Variants in DPP6 observed in about 807,000 individuals in gnomAD.
DPP6 encodes A-type potassium channel modulatory protein DPP6.
A neutral mutation model predicts 122.6 loss-of-function variants in DPP6; 69 were observed. The ratio of observed to expected loss-of-function variants is 0.56; its 90% CI spans 0.46 to 0.69. DPP6 has a LOEUF of 0.69. Ranked by LOEUF, DPP6 falls within the 30% of genes least tolerant of loss-of-function variation. The pLI, the probability that DPP6 is intolerant of heterozygous loss-of-function variation, is 0.00. For missense variants in DPP6, 928 were observed against 1,116.9 expected (o/e 0.83, Z 2.41); for synonymous variants, 418 against 433.1 (o/e 0.97, Z 0.43).
chr7:154,840,910 A>C (rs1375452309), intron 16 of DPP6, among the ~76,000 whole-genome samples: 1 of 152,128 alleles, frequency 6.6e-6, no homozygotes, highest in Non-Finnish European at 1.5e-5. Context: ...CCACCCATTC[A>C]TCCTATCGGC....
chr7:154,677,263 G>A (rs905714542), intron 7 of DPP6, among the ~76,000 whole-genome samples: 17 of 152,122 alleles, frequency 1.1e-4, no homozygotes, highest in African/African-American at 3.6e-4. Flanking sequence ...GCGAGAGAGC[G>A]TGAGCCTTCC....
intron 1 of DPP6, among the ~76,000 whole-genome samples, chr7:153,984,264 A>G (rs1002138765): frequency 1.3e-5 from 2 of 152,186 alleles, no homozygotes; most frequent in African/African-American, 4.8e-5. Flanking sequence ...GTATATTAAT[A>G]TAAGAATTTC....
chr7:154,565,152 G>C (rs977302918), intron 4 of DPP6, among the ~76,000 whole-genome samples: 12 of 152,218 alleles, frequency 7.9e-5, no homozygotes, highest in African/African-American at 2.6e-4. Context: ...TCAATAAGGT[G>C]TCCTTAAAAA....
chr7:154,566,972 A>C, intron 5 of DPP6, 56 bp downstream of exon 5: 82 of 1,226,396 alleles, frequency 6.7e-5, no homozygotes, highest in Middle Eastern at 1.9e-4. Context: ...CTAATATCTC[A>C]TTAAGTATAT....
At chr7:154,656,078 G>A (rs1167359918) in intron 6 of DPP6, among the ~76,000 whole-genome samples, 27 of 151,590 alleles carry the variant, frequency 1.8e-4, no homozygotes, top group Admixed American at 1.8e-3. Context: ...GAAGGGTGTG[G>A]AGGAGAGGAG....
At chr7:154,736,334 T>TTGCCAC (rs1366569549) in intron 8 of DPP6, among the ~76,000 whole-genome samples, 12 of 152,346 alleles carry the variant, frequency 7.9e-5, no homozygotes, top group Middle Eastern at 3.4e-3. Context: ...ATGGTCTTCA[T>TTGCCAC]TGCCACTGCT....
chr7:154,538,824 G>A (rs1350369839), intron 3 of DPP6, among the ~76,000 whole-genome samples: 3 of 152,154 alleles, frequency 2.0e-5, no homozygotes, highest in African/African-American at 7.2e-5. Context: ...ACCTTGGTGT[G>A]TTTGCTTAAG....
intron 1 of DPP6, among the ~76,000 whole-genome samples, chr7:154,236,512 C>T (rs568224466): frequency 9.2e-5 from 14 of 152,072 alleles, no homozygotes; most frequent in Admixed American, 2.6e-4. Context: ...AATTTCTTAG[C>T]CCCTGATGAA....
chr7:154,227,215 G>GACACACACACACACACATACACAC (rs1554495537), intron 1 of DPP6, among the ~76,000 whole-genome samples: 1 of 141,356 alleles, frequency 7.1e-6, no homozygotes, highest in Non-Finnish European at 1.5e-5. Context: ...GAAAATGAGG[G>GACACACACACACACACATACACAC]ACACACACAC....
At chr7:154,719,796 G>A (rs2131337629) in intron 7 of DPP6, among the ~76,000 whole-genome samples, 1 of 152,328 alleles carries the variant, frequency 6.6e-6, no homozygotes, top group South Asian at 2.1e-4. Context: ...AGCAGAAATG[G>A]GAAACGGAGT....
chr7:154,523,051 T>C (rs898270936), intron 3 of DPP6, among the ~76,000 whole-genome samples: 3 of 152,144 alleles, frequency 2.0e-5, no homozygotes, highest in African/African-American at 7.2e-5. Context: ...ACTGACCGAG[T>C]CATTCCCAAG....
chr7:154,892,457 A>G lies in DPP6; in HGVS notation c.2575A>G (p.Lys859Glu). The change falls in exon 26 of 26, where the codon AAA becomes GAA. Residue 859 changes from lysine (K) to glutamate (E), a missense_variant. Physicochemically the swap from Lys to Glu is moderately conservative, Grantham distance 56 (BLOSUM62 1). Coordinates refer to ENST00000377770, the MANE Select transcript of DPP6 (RefSeq NM_130797.4). ...GGACAAACTGCTGACAGTCACAGCGAAAGAGGACGAGGAGGAGGACTAAGC... is the reference window on the plus strand; with the variant it reads ...GGACAAACTGCTGACAGTCACAGCGGAAGAGGACGAGGAGGAGGACTAAGC... Reference protein sequence around the residue: ...IQDKLLTVTAKEDEEED With the variant: ...IQDKLLTVTAEEDEEED The G allele has an allele frequency of 6.2e-7, 1 of 1,614,046 alleles. No individual in the cohort carries two copies. Among genetic ancestry groups the G allele is most frequent in the Non-Finnish European group, 8.5e-7 (1 of 1,179,906 alleles).
chr7:153,793,798 G>C, the DPP6 span, among the ~76,000 whole-genome samples: 459 of 152,160 alleles, frequency 3.0e-3, no homozygotes, highest in African/African-American at 0.011. Flanking sequence ...CCTGTACTGT[G>C]TGCAGCCTAG....
At chr7:153,762,854 TCTC>T in the DPP6 span, among the ~76,000 whole-genome samples, 5 of 152,064 alleles carry the variant, frequency 3.3e-5, no homozygotes, top group South Asian at 2.1e-4. Context: ...CAGGACTCTG[TCTC>T]CTCCTAGATA....
At chr7:154,018,829 C>T (rs1396316430) in intron 1 of DPP6, among the ~76,000 whole-genome samples, 9 of 152,116 alleles carry the variant, frequency 5.9e-5, no homozygotes, top group Non-Finnish European at 8.8e-5. Context: ...CCTCCTGAGC[C>T]TGTTTGTTCT....
At chr7:154,014,927 C>G (rs1178383996) in intron 1 of DPP6, among the ~76,000 whole-genome samples, 2 of 152,036 alleles carry the variant, frequency 1.3e-5, no homozygotes, top group African/African-American at 4.8e-5. Context: ...ATGATGGATA[C>G]TTATTAAACT....
chr7:153,757,796 A>G, the DPP6 span, among the ~76,000 whole-genome samples: 27 of 152,220 alleles, frequency 1.8e-4, no homozygotes, highest in African/African-American at 6.5e-4. Context: ...CATCTCTACT[A>G]AAATACAAAA....
At chr7:154,088,608 G>T (rs1256853996) in intron 1 of DPP6, among the ~76,000 whole-genome samples, 1 of 148,516 alleles carries the variant, frequency 6.7e-6, no homozygotes, top group Admixed American at 6.8e-5. Context: ...CAGCAGATGT[G>T]CAAAGGTCTT....
intron 1 of DPP6, among the ~76,000 whole-genome samples, chr7:154,312,775 C>A (rs144036323): frequency 6.6e-6 from 1 of 152,140 alleles, no homozygotes; most frequent in Non-Finnish European, 1.5e-5. Flanking sequence ...GTAATTCATT[C>A]TCTTAAAAAG....
Sources: gnomAD v4.1 joint callset for allele counts (sites outside exome capture counted in the v4.1 genomes callset) on GRCh38, gnomAD v4.1.1 for gene constraint, MANE v1.5 for transcripts, NCBI Gene and HGNC (gene_info 2026-07-23, HGNC 2026-07-21) for gene names.